DNAJC13: variants seen among roughly 807,000 people sequenced by gnomAD.
DNAJC13 encodes the protein dnaJ homolog subfamily C member 13.
DNAJC13 carries 75 observed loss-of-function variants against 290.5 expected under a neutral mutation model. That is an observed-to-expected ratio of 0.26 (90% CI 0.21 to 0.31). The LOEUF is 0.31. Ranked by LOEUF, DNAJC13 falls within the 10% of genes least tolerant of loss-of-function variation. The pLI, the probability that DNAJC13 is intolerant of heterozygous loss-of-function variation, is 1.00. For synonymous variants in DNAJC13, 862 were observed against 892.0 expected, an observed-to-expected ratio of 0.97 and a Z score of 0.60; for missense variants, 2,260 against 2,674.5, an observed-to-expected ratio of 0.85 and a Z score of 3.42.
intron 21 of DNAJC13, among the ~76,000 whole-genome samples, chr3:132,473,773 G>T (rs1934368385): frequency 6.6e-6 from 1 of 152,064 alleles, no homozygotes; most frequent in East Asian, 1.9e-4. Flanking sequence ...ACTCACTCTG[G>T]AAACTGACAT....
intron 53 of DNAJC13, among the ~76,000 whole-genome samples, chr3:132,526,945 G>T (rs1936277373): frequency 6.6e-6 from 1 of 152,206 alleles, no homozygotes; most frequent in South Asian, 2.1e-4. Context: ...GTGATTACTA[G>T]AGGCTGGGGT....
Position 132,478,075 on chromosome 3 carries a change from G to A in DNAJC13, c.2644G>A (p.Gly882Ser), listed in dbSNP as rs774127013. The change falls in exon 24 of 56, where the codon GGC becomes AGC. Residue 882 changes from glycine to serine, a missense_variant. By Grantham distance (56) the Gly-to-Ser change is moderately conservative. This residue lies in a region of DNAJC13 where 1,494 missense variants were observed against 1,693.7 expected (regional missense o/e 0.88). Coordinates refer to ENST00000260818, the MANE Select transcript of DNAJC13 (RefSeq NM_015268.4). ...LCLQALAIVY[G>S]RCHEEIGPFT... ...TTTACAAGCCCTTGCTATTGTTTAT[G>A]GCAGATGTCACGAAGAAATAGGACC... is the stretch of plus-strand genomic sequence containing the variant. 1.2e-6 allele frequency: 2 copies of A among 1,613,452 alleles called. No homozygotes were observed. The highest frequency in any genetic ancestry group is 8.5e-7 in the Non-Finnish European group (1 of 1,179,766).
intron 2 of DNAJC13, among the ~76,000 whole-genome samples, chr3:132,439,965 G>T (rs1032368899): frequency 6.6e-6 from 1 of 152,134 alleles, no homozygotes; most frequent in Non-Finnish European, 1.5e-5. Context: ...GAATACACTA[G>T]AGCAGTCATG....
chr3:132,456,950 A>G (rs1933619975), intron 12 of DNAJC13, 118 bp downstream of exon 12: 2 of 1,127,548 alleles, frequency 1.8e-6, no homozygotes, highest in South Asian at 1.6e-5. Context: ...ATAGGGTGAT[A>G]TGGTACTTTA....
intron 2 of DNAJC13, among the ~76,000 whole-genome samples, chr3:132,435,100 A>G (rs1015045078): frequency 6.6e-6 from 1 of 152,142 alleles, no homozygotes; most frequent in Non-Finnish European, 1.5e-5. Flanking sequence ...GAGTGATGGC[A>G]TTTTTTAGTA....
At chr3:132,433,397 C>T (rs1208241079) in intron 1 of DNAJC13, among the ~76,000 whole-genome samples, 2 of 151,864 alleles carry the variant, frequency 1.3e-5, no homozygotes, top group African/African-American at 4.8e-5. Flanking sequence ...CAGCCCTTCT[C>T]TTCTGAAAAG....
chr3:132,488,139 A>G (rs1402394945), intron 29 of DNAJC13, among the ~76,000 whole-genome samples, 159 bp from the exon 30 acceptor site: 1 of 152,200 alleles, frequency 6.6e-6, no homozygotes, highest in Non-Finnish European at 1.5e-5. Flanking sequence ...ATCATTTTTC[A>G]AATCTGTTGT....
In DNAJC13 at chr3:132,503,080, G is replaced by A. The variant is rs1935472571; in HGVS notation, c.4717-134G>A. The A allele has an allele frequency of 5.9e-6, 5 of 849,770 alleles. No homozygotes were observed. In the East Asian group the frequency reaches 8.0e-5, roughly 14 times the overall value. The allele number at this position is 849,770 out of a possible 1,614,324, so 52.6% of individuals were successfully genotyped here. ...TTTCTGATGTTTACCTCAGTGGTAGGTACTCTTGTACCCTTTTGTTGGTTG... is the reference window on the plus strand; with the variant it reads ...TTTCTGATGTTTACCTCAGTGGTAGATACTCTTGTACCCTTTTGTTGGTTG... On this transcript the variant is annotated intron_variant, in intron 40 of 55. Transcript: ENST00000260818.
In DNAJC13 at chr3:132,505,409, T is replaced by TA; in HGVS notation, c.4998dup (p.Gly1667ArgfsTer2). The TA allele has an allele frequency of 6.4e-7, 1 of 1,568,484 alleles. No individual in the cohort carries two copies. Among genetic ancestry groups the TA allele is most frequent in the East Asian group, 2.2e-5 (1 of 44,476 alleles). ...TTGAATCCCAACAAGAAAACATGAT[T>TA]AAAAAAGTATGTTATTGTTTTATAA... is the stretch of plus-strand genomic sequence containing the variant. On this transcript the variant is annotated frameshift_variant, in exon 42 of 56. Coordinates refer to ENST00000260818, the MANE Select transcript of DNAJC13 (RefSeq NM_015268.4). LOFTEE classifies it high-confidence loss of function.
chr3:132,450,892 AC>A, intron 6 of DNAJC13, 45 bp downstream of exon 6: 1 of 1,210,956 alleles, frequency 8.3e-7, no homozygotes, highest in South Asian at 1.7e-5. Context: ...AAGGGTCATG[AC>A]CATTTGAAGG....
At chr3:132,503,549 A>C (rs1935490470) in intron 41 of DNAJC13, among the ~76,000 whole-genome samples, 168 bp downstream of exon 41, 1 of 152,250 alleles carries the variant, frequency 6.6e-6, no homozygotes, top group Admixed American at 6.5e-5. Context: ...TAATGATGTC[A>C]GTTCTACAAG....
intron 42 of DNAJC13, among the ~76,000 whole-genome samples, chr3:132,506,410 A>G (rs987230620): frequency 6.6e-6 from 1 of 151,430 alleles, no homozygotes; most frequent in African/African-American, 2.4e-5. Context: ...TTAGCATTTT[A>G]TAATTTATTC....
At chr3:132,518,056 AT>A (rs958904453) in intron 48 of DNAJC13, among the ~76,000 whole-genome samples, 8 of 151,774 alleles carry the variant, frequency 5.3e-5, no homozygotes, top group South Asian at 2.1e-4. Flanking sequence ...TTCTTTATTA[AT>A]TTTTTTTATT....
intron 27 of DNAJC13, 39 bp downstream of exon 27, chr3:132,482,369 A>C: frequency 6.6e-7 from 1 of 1,513,618 alleles, no homozygotes; most frequent in Non-Finnish European, 9.2e-7. Flanking sequence ...AGGTCTCAGC[A>C]TTTCTTATGC....
chr3:132,471,897 C>A (rs1934279466), intron 20 of DNAJC13, among the ~76,000 whole-genome samples: 1 of 144,928 alleles, frequency 6.9e-6, no homozygotes, highest in African/African-American at 2.5e-5. Flanking sequence ...AGGCAGGCGG[C>A]TGGGAGGTGT....
intron 36 of DNAJC13, among the ~76,000 whole-genome samples, chr3:132,497,443 T>C (rs960364199): frequency 6.6e-6 from 1 of 152,048 alleles, no homozygotes; most frequent in Non-Finnish European, 1.5e-5. Context: ...CTTTCAGGAT[T>C]TGAGATAAGC....
At chr3:132,485,278 C>T (rs77825328) in intron 29 of DNAJC13, among the ~76,000 whole-genome samples, 14 of 152,194 alleles carry the variant, frequency 9.2e-5, no homozygotes, top group Middle Eastern at 3.4e-3. Flanking sequence ...GCTGGGATTA[C>T]AGGCATGTGC....
chr3:132,459,484 G>T (rs1251251597), intron 13 of DNAJC13, among the ~76,000 whole-genome samples: 1 of 152,112 alleles, frequency 6.6e-6, no homozygotes, highest in Non-Finnish European at 1.5e-5. Flanking sequence ...AATGAAAAAA[G>T]TTCTAGCGAT....
chr3:132,453,338 G>A lies in DNAJC13; in HGVS notation c.578G>A (p.Ser193Asn). The change falls in exon 7 of 56, where the codon AGT (serine) becomes AAT (asparagine). Residue 193 changes from serine (S) to asparagine (N), a missense_variant. By Grantham distance (46) the Ser-to-Asn change is conservative. Transcript: ENST00000260818. ...GAGCAAAGAGAAGAGATTATTAAAA[G>A]TGCAATAGACCATGCTGGTAACTAC... Reference protein sequence around the residue: ...ASEQREEIIKSAIDHAGNYIG... With the variant: ...ASEQREEIIKNAIDHAGNYIG... 6.2e-7 allele frequency: 1 copy of A among 1,613,792 alleles called. No individual in the cohort carries two copies. The highest frequency in any genetic ancestry group is 2.2e-5 in the East Asian group (1 of 44,820).
Sources: allele counts gnomAD v4.1 joint callset (sites outside exome capture counted in the v4.1 genomes callset), GRCh38; gene constraint gnomAD v4.1.1; regional missense constraint gnomAD v4.1.1; transcripts MANE v1.5; gene names NCBI Gene and HGNC (gene_info 2026-07-23, HGNC 2026-07-21).